Variants in FANCA observed in about 807,000 individuals in gnomAD.
FANCA encodes Fanconi anemia group A protein.
In FANCA, 236 loss-of-function variants were observed where a neutral mutation model predicts 194.3. The observed-to-expected ratio is 1.21, with a 90% CI of 1.09 to 1.35. The LOEUF (loss-of-function observed/expected upper bound fraction) is 1.35. Ranked by LOEUF, FANCA falls within the 40% of genes most tolerant of loss-of-function variation. FANCA has a pLI of 0.00. For synonymous variants in FANCA, 1,014 were observed against 715.8 expected (o/e 1.42, Z -6.65); for missense variants, 2,628 against 1,813.9 (o/e 1.45, Z -8.15).
At chr16:89,754,345 C>T (rs2038702554) in intron 30 of FANCA, among the ~76,000 whole-genome samples, 1 of 151,982 alleles carries the variant, frequency 6.6e-6, no homozygotes. Context: ...GTGAAACTAT[C>T]TCTCTTCACA....
In FANCA at chr16:89,746,733, CACA is replaced by C. The variant is rs1314120900; in HGVS notation, c.3409-48_3409-46del. On this transcript the variant is annotated intron_variant, in intron 34 of 42. Coordinates refer to ENST00000389301, the MANE Select transcript of FANCA (RefSeq NM_000135.4). ...AGGAGGTCAGCGGTTTGTGAGGACC[CACA>C]ACTAGTAGAGTGAAGGAACTCACAG... The C allele has an allele frequency of 1.2e-5, 19 of 1,604,150 alleles. 1 individual carries two copies. Among genetic ancestry groups the C allele is most frequent in the Non-Finnish European group, 1.5e-5 (17 of 1,172,040 alleles).
chr16:89,774,826 G>C (rs1368610699), intron 21 of FANCA, among the ~76,000 whole-genome samples: 1 of 150,906 alleles, frequency 6.6e-6, no homozygotes, highest in African/African-American at 2.4e-5. Context: ...GGGTACGGTT[G>C]CTCATGCCTG....
rs187485156 is a variant in FANCA at position 89,814,393 on chromosome 16, G to A, written c.283+127C>T. ...CACACAAACATCCCATAGAATTTGCGACTACACACACCAGTGGAAACCCAT... is the reference window on the plus strand; with the variant it reads ...CACACAAACATCCCATAGAATTTGCAACTACACACACCAGTGGAAACCCAT... On this transcript the variant is annotated intron_variant, in intron 3 of 42. Transcript: ENST00000389301. The A allele has an allele frequency of 5.0e-4, 336 of 667,336 alleles. 2 individuals carry two copies. The African/African-American group carries it at 5.1e-3, about 10-fold the overall frequency. The allele number at this position is 667,336 out of a possible 1,614,324, so 41.3% of individuals were successfully genotyped here. A position where few individuals can be genotyped will look rare whatever the true frequency, so the allele number is the denominator to read the frequency against.
chr16:89,790,701 C>A (rs925775134), intron 14 of FANCA, among the ~76,000 whole-genome samples: 1 of 151,518 alleles, frequency 6.6e-6, no homozygotes, highest in Middle Eastern at 3.4e-3. Flanking sequence ...TTCTGTACCA[C>A]TGCACTCTAG....
intron 1 of FANCA, chr16:89,816,242 G>C (rs548593510): frequency 2.1e-6 from 1 of 475,770 alleles, no homozygotes; most frequent in Non-Finnish European, 3.9e-6. Context: ...CTGCGCTGAG[G>C]GGAGCCCCAG....
chr16:89,802,085 A>C (rs1390554612), intron 8 of FANCA, among the ~76,000 whole-genome samples: 1 of 152,170 alleles, frequency 6.6e-6, no homozygotes, highest in Non-Finnish European at 1.5e-5. Flanking sequence ...CGGATACAGA[A>C]AACGTGGTAT....
Position 89,815,921 on chromosome 16 carries a change from G to A in FANCA, c.145C>T (p.Arg49Cys), listed in dbSNP as rs929925295. 1.9e-6 allele frequency: 3 copies of A among 1,614,088 alleles called. No individual in the cohort carries two copies. The highest frequency in any genetic ancestry group is 2.5e-6 in the Non-Finnish European group (3 of 1,179,934). The change falls in exon 2 of 43, where the codon CGC becomes TGC. Residue 49 changes from arginine to cysteine, a missense_variant. Coordinates refer to ENST00000389301, the MANE Select transcript of FANCA (RefSeq NM_000135.4). ...RAQKLKESAV[R>C]LLRSHQDLNA... Reference sequence around the variant, plus strand: ...AGGTCCTGATGGCTTCGCAGGAGGCGCACAGCTGATTCCTTTAATTTCTGT... The same window carrying A: ...AGGTCCTGATGGCTTCGCAGGAGGCACACAGCTGATTCCTTTAATTTCTGT...
chr16:89,790,323 G>A, intron 14 of FANCA, among the ~76,000 whole-genome samples: 1 of 151,774 alleles, frequency 6.6e-6, no homozygotes, highest in Admixed American at 6.6e-5. Flanking sequence ...GAACCCAGGA[G>A]GAGGAGGTTG....
In FANCA at chr16:89,768,916, GTACTC is replaced by G. The variant is rs2039222340; in HGVS notation, c.2504+916_2504+920del. ...TGTGTGCCTCTCATGCCAACACCCA[GTACTC>G]AGTGTTTGGGGCCTGGGGTGAGTGG... On this transcript the variant is annotated intron_variant, in intron 26 of 42. Coordinates refer to ENST00000389301, the MANE Select transcript of FANCA (RefSeq NM_000135.4). 8.1e-5 allele frequency among the ~76,000 whole-genome samples: 5 copies of G among 61,586 alleles called. No individual in the cohort carries two copies. In the South Asian group the frequency reaches 1.9e-3, roughly 24 times the overall value. The allele number at this position is 61,586 out of a possible 152,430, so 40.4% of individuals were successfully genotyped here. A position where few individuals can be genotyped will look rare whatever the true frequency, so the allele number is the denominator to read the frequency against.
At chr16:89,808,192 C>A in intron 6 of FANCA, 102 bp downstream of exon 6, 1 of 1,115,822 alleles carries the variant, frequency 9.0e-7, no homozygotes, top group South Asian at 1.2e-5. Context: ...AATTATATGT[C>A]AAAGCCAGAA....
At chr16:89,760,447 G>A (rs1052458696) in intron 29 of FANCA, among the ~76,000 whole-genome samples, 2 of 152,190 alleles carry the variant, frequency 1.3e-5, no homozygotes, top group African/African-American at 4.8e-5. Flanking sequence ...TGGCCGGAAG[G>A]ACGAGGAGCA....
chr16:89,760,094 G>C (rs1252637513), intron 29 of FANCA, among the ~76,000 whole-genome samples: 4 of 152,338 alleles, frequency 2.6e-5, no homozygotes, highest in South Asian at 2.1e-4. Flanking sequence ...ATTCAGAAAA[G>C]AAAGAAAATC....
intron 13 of FANCA, 72 bp from the exon 14 acceptor site, chr16:89,791,608 G>A (rs1439824963): frequency 2.5e-6 from 4 of 1,595,970 alleles, no homozygotes; most frequent in Non-Finnish European, 3.4e-6. Context: ...AGTTATGCTG[G>A]GTGATCAAGT....
At chr16:89,746,179 A>G (rs999014360) in intron 35 of FANCA, among the ~76,000 whole-genome samples, 1 of 152,184 alleles carries the variant, frequency 6.6e-6, no homozygotes, top group African/African-American at 2.4e-5. Flanking sequence ...AGTCCCAAGA[A>G]AGCATAGTCA....
intron 37 of FANCA, among the ~76,000 whole-genome samples, chr16:89,741,872 C>T (rs1233612083): frequency 3.9e-5 from 6 of 152,176 alleles, no homozygotes; most frequent in African/African-American, 7.2e-5. Context: ...ACAGCATTTA[C>T]GCTGGGCTGT....
chr16:89,776,787 C>T (rs1228589955), intron 20 of FANCA, among the ~76,000 whole-genome samples: 3 of 150,880 alleles, frequency 2.0e-5, no homozygotes, highest in Admixed American at 1.3e-4. Flanking sequence ...GCCGAGATTG[C>T]GCCACTGCAC....
rs139532591 is a variant in FANCA, at chr16:89,738,698, T to C, written c.4271A>G (p.Asp1424Gly). ...SFSHVAELLADRGDCDPEVSA... is the reference protein window; with the variant it reads ...SFSHVAELLAGRGDCDPEVSA... ...CACCTCTGGGTCGCAGTCCCCACGA[T>C]CAGCCAGCAGCTGTGAGAGAGGAGC... The change falls in exon 43 of 43, where the codon GAT becomes GGT. Residue 1424 changes from aspartate to glycine, a missense_variant. Physicochemically the swap from Asp to Gly is moderately conservative, Grantham distance 94 (BLOSUM62 -1). Transcript: ENST00000389301. 1.9e-6 allele frequency: 3 copies of C among 1,613,756 alleles called. No homozygotes were observed. Among genetic ancestry groups the C allele is most frequent in the Non-Finnish European group, 2.5e-6 (3 of 1,179,988 alleles).
chr16:89,754,573 G>A (rs1248925709), intron 30 of FANCA, among the ~76,000 whole-genome samples: 1 of 152,076 alleles, frequency 6.6e-6, no homozygotes, highest in Non-Finnish European at 1.5e-5. Context: ...GTTTCACCAT[G>A]TTGGCCAGGC....
chr16:89,789,014 C>T (rs2039982832), intron 14 of FANCA, among the ~76,000 whole-genome samples: 1 of 151,998 alleles, frequency 6.6e-6, no homozygotes, highest in African/African-American at 2.4e-5. Flanking sequence ...CCCAGGGAGA[C>T]ACCTGAGCCG....
Sources: gnomAD v4.1 joint callset for allele counts (sites outside exome capture counted in the v4.1 genomes callset) on GRCh38, gnomAD v4.1.1 for gene constraint, MANE v1.5 for transcripts, NCBI Gene and HGNC (gene_info 2026-07-23, HGNC 2026-07-21) for gene names.